XRN2: variants seen among roughly 807,000 people sequenced by gnomAD.
XRN2 encodes DHM1-like protein.
In XRN2, 44 loss-of-function variants were observed where a neutral mutation model predicts 138.5. The ratio of observed to expected loss-of-function variants is 0.32; its 90% CI spans 0.25 to 0.41. The LOEUF is 0.41. Among genes scored for constraint, XRN2 ranks in the 10% least tolerant of loss-of-function variants. XRN2 has a pLI of 1.00. For missense variants in XRN2, 937 were observed against 1,169.3 expected, an observed-to-expected ratio of 0.80 and a Z score of 2.90; for synonymous variants, 354 against 369.4, an observed-to-expected ratio of 0.96 and a Z score of 0.48.
Position 21,365,647 on chromosome 20 carries a change from G to C in XRN2, c.2399G>C (p.Gly800Ala). The change falls in exon 26 of 30, where the codon GGC (glycine) becomes GCC (alanine). Residue 800 changes from glycine (G) to alanine (A), a missense_variant. This residue lies in a region of XRN2 where 372 missense variants were observed against 414.4 expected (regional missense o/e 0.90). Transcript: ENST00000377191. ...SNGRQWKPQL[G>A]FNRDRRPVHL... ...GGACGGCAGTGGAAGCCTCAGCTTG[G>C]CTTTAACCGTGACCGGAGGCCTGTG... 6.2e-7 allele frequency: 1 copy of C among 1,613,174 alleles called. No homozygotes were observed. Among genetic ancestry groups the C allele is most frequent in the Non-Finnish European group, 8.5e-7 (1 of 1,179,918 alleles).
At chr20:21,320,355 A>G (rs1328502784) in intron 1 of XRN2, among the ~76,000 whole-genome samples, 2 of 151,922 alleles carry the variant, frequency 1.3e-5, no homozygotes, top group Non-Finnish European at 2.9e-5. Context: ...GCTGGAGTGC[A>G]GTGGCACGAT....
chr20:21,326,366 A>G lies in XRN2; in HGVS notation c.163A>G (p.Met55Val). 6.2e-7 allele frequency: 1 copy of G among 1,613,948 alleles called. No individual in the cohort carries two copies. The highest frequency in any genetic ancestry group is 8.5e-7 in the Non-Finnish European group (1 of 1,179,912). ...GGAGTTTGATAATCTGTATTTGGAT[A>G]TGAATGGAATCATCCATCCCTGTAC... The part of the protein sequence containing the change: ...DVEFDNLYLD[M>V]NGIIHPCTHP... The change falls in exon 2 of 30, where the codon ATG becomes GTG. Residue 55 changes from methionine to valine, a missense_variant. Met to Val is a conservative substitution (Grantham distance 21). Transcript: ENST00000377191.
intron 16 of XRN2, 96 bp from the exon 17 acceptor site, chr20:21,346,319 G>T: frequency 6.8e-7 from 1 of 1,461,144 alleles, no homozygotes; most frequent in Non-Finnish European, 9.4e-7. Context: ...ATTTCCCCTG[G>T]GTATTAAATA....
In XRN2 at chr20:21,348,128, C is replaced by G; in HGVS notation, c.1666-18C>G. Reference sequence around the variant, plus strand: ...ACATAGGTTTTTGATTTTGTTGTTACTTTTTTAATGATTCTAGGGCTGTGC... The same window carrying G: ...ACATAGGTTTTTGATTTTGTTGTTAGTTTTTTAATGATTCTAGGGCTGTGC... On this transcript the variant is annotated intron_variant, in intron 17 of 29. Coordinates refer to ENST00000377191, the MANE Select transcript of XRN2 (RefSeq NM_012255.5). 1 of 1,574,204 alleles carries G rather than the reference C, an allele frequency of 6.4e-7. No homozygotes were observed. Among genetic ancestry groups the G allele is most frequent in the Non-Finnish European group, 8.6e-7 (1 of 1,167,018 alleles).
chr20:21,361,534 G>A (rs1290560833), intron 24 of XRN2, among the ~76,000 whole-genome samples: 6 of 152,280 alleles, frequency 3.9e-5, no homozygotes, highest in Admixed American at 1.3e-4. Context: ...TGTTGAGTCC[G>A]TAGGCTGTAT....
At chr20:21,375,208 A>T (rs6047407) in intron 27 of XRN2, among the ~76,000 whole-genome samples, 1 of 149,376 alleles carries the variant, frequency 6.7e-6, no homozygotes. Flanking sequence ...TTGAGAACCT[A>T]TTTAATTTTA....
In XRN2 at chr20:21,344,136, C is replaced by G; in HGVS notation, c.1457C>G (p.Pro486Arg). The G allele has an allele frequency of 6.2e-7, 1 of 1,613,206 alleles. No homozygotes were observed. Among genetic ancestry groups the G allele is most frequent in the Middle Eastern group, 1.6e-4 (1 of 6,062 alleles). The change falls in exon 16 of 30, where the codon CCG (proline) becomes CGG (arginine). Residue 486 changes from proline (P) to arginine (R), a missense_variant. By Grantham distance (103) the Pro-to-Arg change is moderately radical. Transcript: ENST00000377191. ...PNTSFTSDGS[P>R]SPLGGIKRKA... ...ACGAGTTTCACATCTGATGGCTCCC[C>G]GTCTCCATTAGGAGGAATTAAGCGA...
At position 21,368,575 on chromosome 20, in the gene XRN2, C is replaced by T. The variant is rs375992363; in HGVS notation, c.2569C>T (p.Pro857Ser). Residue 857 changes from proline to serine, a missense_variant, in exon 27 of 30, where the codon CCA becomes TCA. Pro to Ser is a moderately conservative substitution (Grantham distance 74). Coordinates refer to ENST00000377191, the MANE Select transcript of XRN2 (RefSeq NM_012255.5). ...RPLLRGQAQI[P>S]KLMSNMRPQD... ...GCTTTTGAGAGGACAAGCCCAGATT[C>T]CAAAACTTATGTCAAGTAAGCTTTT... 2.5e-6 allele frequency: 4 copies of T among 1,613,516 alleles called. No homozygotes were observed. The highest frequency in any genetic ancestry group is 2.2e-5 in the East Asian group (1 of 44,848).
At chr20:21,388,372 T>C (rs1193460736) in intron 29 of XRN2, among the ~76,000 whole-genome samples, 2 of 152,256 alleles carry the variant, frequency 1.3e-5, no homozygotes, top group African/African-American at 4.8e-5. Context: ...ATTATTCTTT[T>C]AGGACTTTTT....
chr20:21,375,900 G>A (rs899821549), intron 27 of XRN2, among the ~76,000 whole-genome samples: 8 of 151,464 alleles, frequency 5.3e-5, no homozygotes, highest in South Asian at 2.1e-4. Flanking sequence ...GTGCAGTGGC[G>A]CAATCTCGGC....
At chr20:21,341,077 A>C (rs924723630) in intron 15 of XRN2, among the ~76,000 whole-genome samples, 10 of 152,216 alleles carry the variant, frequency 6.6e-5, no homozygotes, top group African/African-American at 2.4e-4. Flanking sequence ...ATACATGCGA[A>C]TATAAAGAGC....
intron 3 of XRN2, among the ~76,000 whole-genome samples, chr20:21,328,203 G>T (rs1317681048): frequency 1.3e-5 from 2 of 152,160 alleles, no homozygotes; most frequent in Non-Finnish European, 2.9e-5. Flanking sequence ...TCAGATGTTG[G>T]CTGGGTCTTT....
chr20:21,304,347 G>GC (rs2037784769), intron 1 of XRN2, among the ~76,000 whole-genome samples: 1 of 141,196 alleles, frequency 7.1e-6, no homozygotes, highest in African/African-American at 2.7e-5. Context: ...ACTTATTTCT[G>GC]CTTTTTTTTT....
At chr20:21,320,279 G>GTATTTATTTATT (rs1438144106) in intron 1 of XRN2, among the ~76,000 whole-genome samples, 355 of 88,686 alleles carry the variant, frequency 4.0e-3, no homozygotes, top group Non-Finnish European at 6.4e-3. Flanking sequence ...ATTTATTTAT[G>GTATTTATTTATT]TATTTATTTA....
chr20:21,387,868 A>G (rs983538218), intron 29 of XRN2, among the ~76,000 whole-genome samples: 5 of 152,238 alleles, frequency 3.3e-5, no homozygotes, highest in Non-Finnish European at 7.3e-5. Flanking sequence ...GCTAAGGAAC[A>G]TATTTTGTAT....
intron 4 of XRN2, 26 bp from the exon 5 acceptor site, chr20:21,330,455 A>C (rs778988124): frequency 1.2e-6 from 2 of 1,610,806 alleles, no homozygotes; most frequent in Non-Finnish European, 1.7e-6. Context: ...TTATGGGGAG[A>C]ACAAAACGTT....
At chr20:21,334,021 A>T (rs1355327665) in intron 12 of XRN2, 27 bp downstream of exon 12, 1 of 1,614,058 alleles carries the variant, frequency 6.2e-7, no homozygotes, top group Admixed American at 1.7e-5. Flanking sequence ...ATGATTTCAA[A>T]ACAGAAGTAT....
intron 8 of XRN2, 128 bp downstream of exon 8, chr20:21,331,946 C>G (rs972801732): frequency 4.0e-6 from 4 of 996,572 alleles, no homozygotes; most frequent in Non-Finnish European, 6.1e-6. Flanking sequence ...TTATGTTCGA[C>G]AGGGAACTAG....
intron 27 of XRN2, among the ~76,000 whole-genome samples, chr20:21,380,734 A>C (rs891982049): frequency 1.3e-5 from 2 of 152,358 alleles, no homozygotes; most frequent in Middle Eastern, 3.4e-3. Flanking sequence ...GGCTTCCTGC[A>C]CCTTTCTGAG....
Sources: gnomAD v4.1 joint callset for allele counts (sites outside exome capture counted in the v4.1 genomes callset) on GRCh38, gnomAD v4.1.1 for gene constraint, gnomAD v4.1.1 regional missense constraint, MANE v1.5 for transcripts, NCBI Gene and HGNC (gene_info 2026-07-23, HGNC 2026-07-21) for gene names.